RIMS2: variants seen among roughly 807,000 people sequenced by gnomAD.
The protein encoded by RIMS2 is regulating synaptic membrane exocytosis 2.
In RIMS2, 59 loss-of-function variants were observed where a neutral mutation model predicts 174.4. The observed-to-expected ratio is 0.34, with a 90% CI of 0.27 to 0.42. The LOEUF (loss-of-function observed/expected upper bound fraction) is 0.42, where lower values mean the gene tolerates loss of function less well. Ranked by LOEUF, RIMS2 falls within the 10% of genes least tolerant of loss-of-function variation. The pLI, the probability that RIMS2 is intolerant of heterozygous loss-of-function variation, is 1.00. For synonymous variants in RIMS2, 606 were observed against 572.5 expected (o/e 1.06, Z -0.84); for missense variants, 1,620 against 1,666.3 (o/e 0.97, Z 0.48).
intron 3 of RIMS2, among the ~76,000 whole-genome samples, chr8:103,789,749 CTTTTTTT>C (rs11354049): frequency 1.2e-5 from 1 of 85,158 alleles, no homozygotes; most frequent in African/African-American, 4.7e-5. Flanking sequence ...GGATTGTACT[CTTTTTTT>C]TTTTTTTTTT....
chr8:103,961,192 A>G (rs1595886592), intron 15 of RIMS2, 59 bp downstream of exon 17: 5 of 813,194 alleles, frequency 6.1e-6, no homozygotes, highest in African/African-American at 1.7e-5. Context: ...ATCATCATTT[A>G]CCATAAAAGT....
intron 4 of RIMS2, among the ~76,000 whole-genome samples, chr8:103,894,161 T>G (rs1279701726): frequency 6.7e-6 from 1 of 149,486 alleles, no homozygotes; most frequent in African/African-American, 2.5e-5. Flanking sequence ...AATAACTATT[T>G]TAAGAGAAAC....
rs151081550 is a variant in RIMS2, at chr8:103,653,303, A to AT, written c.177-43776dup. 1.3e-3 allele frequency among the ~76,000 whole-genome samples: 195 copies of AT among 152,250 alleles called. 6 individuals carry two copies. The East Asian group carries it at 0.035, about 27-fold the overall frequency. ...GAAGCATTAAAGAAGTATTGATTTCATTTTTTTGTTATTAGATTTAAAAAC... is the reference window on the plus strand; with the variant it reads ...GAAGCATTAAAGAAGTATTGATTTCATTTTTTTTGTTATTAGATTTAAAAAC... On this transcript the variant is annotated intron_variant, in intron 1 of 23. Coordinates refer to ENST00000504942, the Ensembl canonical transcript of RIMS2.
chr8:103,643,838 G>T (rs980490565), intron 1 of RIMS2, among the ~76,000 whole-genome samples: 1 of 151,994 alleles, frequency 6.6e-6, no homozygotes, highest in Non-Finnish European at 1.5e-5. Context: ...CTACATTGAA[G>T]GCTAGAGAGG....
Position 103,611,141 on chromosome 8 carries a change from T to C in RIMS2, c.177-85945T>C, listed in dbSNP as rs148311537. Among the ~76,000 whole-genome samples the C allele has an allele frequency of 4.4e-3, 669 of 152,186 alleles. 24 individuals carry two copies. Among genetic ancestry groups the C allele is most frequent in the Admixed American group, 0.035 (535 of 15,282 alleles). On this transcript the variant is annotated intron_variant, in intron 1 of 23. Coordinates refer to ENST00000504942, the Ensembl canonical transcript of RIMS2. ...TGTTTGTAGTAGTAGTCCCTGAGGGTTTTTTGTTTTGTTTTGTTTTGTATT... is the reference window on the plus strand; with the variant it reads ...TGTTTGTAGTAGTAGTCCCTGAGGGCTTTTTGTTTTGTTTTGTTTTGTATT...
intron 9 of RIMS2, chr8:103,920,831 A>G (rs753322397): frequency 1.1e-4 from 38 of 348,408 alleles, no homozygotes; most frequent in African/African-American, 7.4e-4. Flanking sequence ...CTACTAAAAA[A>G]AAAAAAAAAT....
chr8:103,518,764 G>GT (rs1380744899), intron 1 of RIMS2, among the ~76,000 whole-genome samples: 2 of 152,034 alleles, frequency 1.3e-5, no homozygotes, highest in Non-Finnish European at 2.9e-5. Flanking sequence ...ATGACTTAGT[G>GT]TAAAAAATTC....
intron 2 of RIMS2, among the ~76,000 whole-genome samples, chr8:103,723,169 C>T (rs542433311): frequency 2.0e-5 from 3 of 152,124 alleles, no homozygotes; most frequent in African/African-American, 7.2e-5. Flanking sequence ...AAAGGTAAAC[C>T]TTACCAAGGA....
At chr8:103,990,266 AT>A (rs916170033) in intron 17 of RIMS2, among the ~76,000 whole-genome samples, 3 of 151,962 alleles carry the variant, frequency 2.0e-5, no homozygotes, top group Non-Finnish European at 4.4e-5. Context: ...TAAACACTTA[AT>A]TTTTTTGTCT....
At chr8:104,254,975 A>G (rs2099366004), downstream of RIMS2, 1 of 152,194 alleles carries the variant, frequency 6.6e-6, no homozygotes, top group Non-Finnish European at 1.5e-5. Flanking sequence ...GGATTTCTCC[A>G]TATCCTTCTG....
At chr8:103,660,113 C>G (rs1310922115) in intron 1 of RIMS2, among the ~76,000 whole-genome samples, 1 of 152,218 alleles carries the variant, frequency 6.6e-6, no homozygotes, top group East Asian at 1.9e-4. Context: ...TCAGTGAGCT[C>G]TCTGAAGAGC....
intron 3 of RIMS2, among the ~76,000 whole-genome samples, 183 bp downstream of exon 6, chr8:103,766,720 T>A (rs2098175854): frequency 6.6e-6 from 1 of 152,194 alleles, no homozygotes; most frequent in Admixed American, 6.5e-5. Context: ...TTGAACTATC[T>A]TAGATTTGAT....
chr8:103,618,842 A>G (rs1424351940), intron 1 of RIMS2, among the ~76,000 whole-genome samples: 1 of 152,136 alleles, frequency 6.6e-6, no homozygotes, highest in South Asian at 2.1e-4. Context: ...TAATGCAAGG[A>G]TATTGGAAGA....
chr8:103,602,278 C>T (rs1029980422), intron 1 of RIMS2, among the ~76,000 whole-genome samples: 16 of 152,174 alleles, frequency 1.1e-4, no homozygotes, highest in Middle Eastern at 3.2e-3. Context: ...TGAGCCACCA[C>T]GCCTGATCCA....
intron 1 of RIMS2, among the ~76,000 whole-genome samples, chr8:103,580,230 G>A (rs2093524218): frequency 6.6e-6 from 1 of 151,928 alleles, no homozygotes; most frequent in African/African-American, 2.4e-5. Context: ...CCAACTAAAA[G>A]GCAGAGAGTG....
chr8:103,718,988 C>T (rs2097410541), intron 2 of RIMS2, among the ~76,000 whole-genome samples: 1 of 152,074 alleles, frequency 6.6e-6, no homozygotes, highest in Non-Finnish European at 1.5e-5. Context: ...TCTTGCAATC[C>T]CCACTAGATA....
rs116212991 is a variant in RIMS2 at position 103,930,303 on chromosome 8, G to A, written c.2245-960G>A. 6.7e-3 allele frequency among the ~76,000 whole-genome samples: 1,017 copies of A among 152,130 alleles called. 9 individuals carry two copies. Among genetic ancestry groups the A allele is most frequent in the African/African-American group, 0.024 (981 of 41,514 alleles). On this transcript the variant is annotated intron_variant, in intron 11 of 23. Coordinates refer to ENST00000504942, the Ensembl canonical transcript of RIMS2. ...GTGAGGGACTCGACAAAGCTATGTT[G>A]GAATTGGAACTGAACTGCCAGTGTT...
chr8:104,113,642 A>G (rs928298326), intron 19 of RIMS2, among the ~76,000 whole-genome samples: 1 of 151,942 alleles, frequency 6.6e-6, no homozygotes, highest in Non-Finnish European at 1.5e-5. Flanking sequence ...GCTTTAACCC[A>G]CTGACTATAT....
chr8:103,942,250 G>T (rs2082709504), intron 13 of RIMS2, among the ~76,000 whole-genome samples: 1 of 152,066 alleles, frequency 6.6e-6, no homozygotes, highest in African/African-American at 2.4e-5. Flanking sequence ...GTGGTATTTG[G>T]TTTTTTGTTC....
Sources: gnomAD v4.1 joint callset for allele counts (sites outside exome capture counted in the v4.1 genomes callset) on GRCh38, gnomAD v4.1.1 for gene constraint, MANE v1.5 for transcripts, NCBI Gene and HGNC (gene_info 2026-07-23, HGNC 2026-07-21) for gene names.